Variants in XKR6 observed in about 807,000 individuals in gnomAD.
The protein encoded by XKR6 is XK related 6.
XKR6 carries 22 observed loss-of-function variants against 56.7 expected under a neutral mutation model. The ratio of observed to expected loss-of-function variants is 0.39; its 90% CI spans 0.28 to 0.55. XKR6 has a LOEUF of 0.55. Among genes scored for constraint, XKR6 ranks in the 20% least tolerant of loss-of-function variants. The probability of loss-of-function intolerance (pLI) is 0.66; values close to 1 mark genes in which losing one functional copy is unlikely to be tolerated. For synonymous variants in XKR6, 524 were observed against 387.8 expected, an observed-to-expected ratio of 1.35 and a Z score of -4.13; for missense variants, 852 against 889.0, an observed-to-expected ratio of 0.96 and a Z score of 0.53.
intron 1 of XKR6, among the ~76,000 whole-genome samples, chr8:10,964,688 G>C (rs547343659): frequency 1.3e-5 from 2 of 152,106 alleles, no homozygotes; most frequent in African/African-American, 4.8e-5. Context: ...CCTCACCCGC[G>C]GGATCTTGCC....
intron 1 of XKR6, among the ~76,000 whole-genome samples, chr8:10,932,495 T>C (rs1436897715): frequency 1.4e-5 from 2 of 147,864 alleles, no homozygotes; most frequent in Non-Finnish European, 3.0e-5. Context: ...TACATATGTA[T>C]ACATGTGCCA....
chr8:10,955,264 CCAGGCT>C (rs1801848462), intron 1 of XKR6, among the ~76,000 whole-genome samples: 1 of 152,134 alleles, frequency 6.6e-6, no homozygotes, highest in South Asian at 2.1e-4. Flanking sequence ...TCTTGACCTC[CCAGGCT>C]CAAGAAATCC....
At chr8:11,010,046 T>C (rs1798464633) in intron 1 of XKR6, among the ~76,000 whole-genome samples, 1 of 152,228 alleles carries the variant, frequency 6.6e-6, no homozygotes, top group African/African-American at 2.4e-5. Context: ...TTTAATTGGC[T>C]CTTGGTTCTG....
intron 1 of XKR6, among the ~76,000 whole-genome samples, chr8:10,951,479 A>C (rs7008460): frequency 6.6e-6 from 1 of 152,234 alleles, no homozygotes; most frequent in South Asian, 2.1e-4. Context: ...TGCATCGGGA[A>C]GAACTTGGTT....
intron 1 of XKR6, among the ~76,000 whole-genome samples, chr8:10,997,151 G>C (rs998497677): frequency 2.6e-5 from 4 of 151,870 alleles, no homozygotes; most frequent in Non-Finnish European, 2.9e-5. Flanking sequence ...TACAACCTTC[G>C]TAGCTTTTAT....
At chr8:11,093,132 T>G (rs1014595128) in intron 1 of XKR6, among the ~76,000 whole-genome samples, 2 of 151,326 alleles carry the variant, frequency 1.3e-5, no homozygotes, top group African/African-American at 2.4e-5. Context: ...CTCGGCTCAC[T>G]GCAACCTCCA....
chr8:11,081,415 T>C (rs1440045718), intron 1 of XKR6, among the ~76,000 whole-genome samples: 1 of 152,322 alleles, frequency 6.6e-6, no homozygotes, highest in Non-Finnish European at 1.5e-5. Context: ...TGAAATGATT[T>C]TCATTATCTG....
intron 1 of XKR6, among the ~76,000 whole-genome samples, chr8:11,171,522 T>G (rs998540021): frequency 6.6e-6 from 1 of 152,162 alleles, no homozygotes; most frequent in African/African-American, 2.4e-5. Flanking sequence ...CCCTTGGGTA[T>G]AGGGAGTTAA....
At chr8:11,087,617 C>T (rs1429516553) in intron 1 of XKR6, among the ~76,000 whole-genome samples, 1 of 152,162 alleles carries the variant, frequency 6.6e-6, no homozygotes, top group East Asian at 1.9e-4. Flanking sequence ...ATCTTGCAAC[C>T]ACCAAGGGAA....
intron 1 of XKR6, among the ~76,000 whole-genome samples, chr8:11,095,581 G>C (rs537587388): frequency 2.6e-5 from 4 of 152,276 alleles, no homozygotes; most frequent in African/African-American, 7.2e-5. Flanking sequence ...GATTCTCCTA[G>C]TGAACAGATG....
At position 10,973,144 on chromosome 8, in the gene XKR6, T is replaced by C. The variant is rs564689459; in HGVS notation, c.765-48314A>G. 3.3e-5 allele frequency among the ~76,000 whole-genome samples: 5 copies of C among 152,352 alleles called. No individual in the cohort carries two copies. In the South Asian group the frequency reaches 1.0e-3, roughly 32 times the overall value. ...AACACGCATTATAGGACTAGAGTTT[T>C]AATTAAGAGGAATTGATGAAACATC... On this transcript the variant is annotated intron_variant, in intron 1 of 2. Transcript: ENST00000416569.
chr8:10,997,140 G>C (rs549184155), intron 1 of XKR6, among the ~76,000 whole-genome samples: 108 of 152,130 alleles, frequency 7.1e-4, no homozygotes, highest in African/African-American at 2.5e-3. Flanking sequence ...TCCATCATCA[G>C]TACAACCTTC....
intron 1 of XKR6, among the ~76,000 whole-genome samples, chr8:11,091,347 A>G (rs141090336): frequency 0.055 from 8,316 of 152,136 alleles, 273 homozygotes; most frequent in Middle Eastern, 0.085. Context: ...CTGAGGTAGG[A>G]GGATCACTTG....
At chr8:11,100,998 T>G (rs1250520897) in intron 1 of XKR6, among the ~76,000 whole-genome samples, 2 of 152,180 alleles carry the variant, frequency 1.3e-5, no homozygotes, top group East Asian at 3.9e-4. Context: ...TCCATCTCCC[T>G]TACCCACCCT....
intron 1 of XKR6, among the ~76,000 whole-genome samples, chr8:10,966,451 A>G (rs10102369): frequency 0.099 from 15,133 of 152,112 alleles, 1,558 homozygotes; most frequent in African/African-American, 0.27. Context: ...AGGCGGGCGG[A>G]TCACGAGGTC....
intron 1 of XKR6, among the ~76,000 whole-genome samples, chr8:11,186,253 A>G (rs1005520170): frequency 4.6e-5 from 7 of 152,132 alleles, no homozygotes; most frequent in South Asian, 2.1e-4. Flanking sequence ...GTCTCTATCC[A>G]CCAAAATGCA....
chr8:11,181,758 T>C (rs1385631815), intron 1 of XKR6, among the ~76,000 whole-genome samples: 1 of 152,254 alleles, frequency 6.6e-6, no homozygotes, highest in African/African-American at 2.4e-5. Context: ...GTACTTACTA[T>C]ATGCATCAAG....
At chr8:11,006,884 A>C (rs934782391) in intron 1 of XKR6, among the ~76,000 whole-genome samples, 1 of 152,176 alleles carries the variant, frequency 6.6e-6, no homozygotes, top group Non-Finnish European at 1.5e-5. Flanking sequence ...TTCTAGCTGC[A>C]ACACAGAGTG....
chr8:11,030,220 C>T (rs1798960713), intron 1 of XKR6, among the ~76,000 whole-genome samples: 1 of 152,214 alleles, frequency 6.6e-6, no homozygotes, highest in African/African-American at 2.4e-5. Flanking sequence ...CATACAGTCC[C>T]CTGGCCTGGA....
Sources: gnomAD v4.1 joint callset for allele counts (sites outside exome capture counted in the v4.1 genomes callset) on GRCh38, gnomAD v4.1.1 for gene constraint, MANE v1.5 for transcripts, NCBI Gene and HGNC (gene_info 2026-07-23, HGNC 2026-07-21) for gene names.